WDR70: variants seen among roughly 807,000 people sequenced by gnomAD.
WDR70 encodes the protein WD repeat-containing protein 70.
In WDR70, 53 loss-of-function variants were observed where a neutral mutation model predicts 88.6. The ratio of observed to expected loss-of-function variants is 0.60; its 90% CI spans 0.48 to 0.75. The LOEUF (loss-of-function observed/expected upper bound fraction) is 0.75. WDR70 is among the 30% of genes least tolerant of loss of function. The probability of loss-of-function intolerance (pLI) is 0.00; values close to 1 mark genes in which losing one functional copy is unlikely to be tolerated. For missense variants in WDR70, 610 were observed against 823.2 expected, an observed-to-expected ratio of 0.74 and a Z score of 3.17; for synonymous variants, 280 against 270.0, an observed-to-expected ratio of 1.04 and a Z score of -0.36.
intron 10 of WDR70, among the ~76,000 whole-genome samples, chr5:37,612,855 A>G (rs1230136067): frequency 2.6e-5 from 4 of 152,222 alleles, no homozygotes; most frequent in Non-Finnish European, 5.9e-5. Flanking sequence ...ACAAATATTC[A>G]ACAGAACACG....
At position 37,386,913 on chromosome 5, in the gene WDR70, C is replaced by T. The variant is rs574401701; in HGVS notation, c.176-5087C>T. On this transcript the variant is annotated intron_variant, in intron 3 of 17. Coordinates refer to ENST00000265107, the MANE Select transcript of WDR70 (RefSeq NM_018034.4). ...AGGAGTTTGAGATCAGCCTGGCCAA[C>T]GGGATGAAACCCTGTCTCTACTAAA... Among the ~76,000 whole-genome samples, 15 of 152,080 alleles carry T rather than the reference C, an allele frequency of 9.9e-5. No individual in the cohort carries two copies. In the Middle Eastern group the frequency reaches 0.014, roughly 138 times the overall value.
intron 9 of WDR70, among the ~76,000 whole-genome samples, chr5:37,562,328 C>G (rs752300605): frequency 2.6e-5 from 4 of 151,918 alleles, no homozygotes; most frequent in Non-Finnish European, 5.9e-5. Context: ...TGTGCTCCAG[C>G]CTGGCTGACA....
intron 5 of WDR70, among the ~76,000 whole-genome samples, chr5:37,421,497 C>A (rs13176326): frequency 0.14 from 21,298 of 152,144 alleles, 1,909 homozygotes; most frequent in East Asian, 0.37. Flanking sequence ...TTATTTTTCC[C>A]TGTGAAAACA....
intron 9 of WDR70, among the ~76,000 whole-genome samples, chr5:37,543,808 G>A (rs1176295431): frequency 2.6e-5 from 4 of 152,070 alleles, no homozygotes; most frequent in East Asian, 1.9e-4. Flanking sequence ...TCGCTCTGTC[G>A]CCCAGGCTGG....
In WDR70 at chr5:37,529,614, G is replaced by A. The variant is rs184647117; in HGVS notation, c.917+13024G>A. Reference sequence around the variant, plus strand: ...GTGAAAGTGGTTGAGTTCTTGATTTGATTCTGAGTGTGGTTGCTATTGGTA... The same window carrying A: ...GTGAAAGTGGTTGAGTTCTTGATTTAATTCTGAGTGTGGTTGCTATTGGTA... On this transcript the variant is annotated intron_variant, in intron 9 of 17. Coordinates refer to ENST00000265107, the MANE Select transcript of WDR70 (RefSeq NM_018034.4). Among the ~76,000 whole-genome samples the A allele has an allele frequency of 3.9e-5, 6 of 152,004 alleles. No homozygotes were observed. The East Asian group carries it at 1.2e-3, about 29-fold the overall frequency.
At chr5:37,670,333 C>T (rs905948175) in intron 10 of WDR70, among the ~76,000 whole-genome samples, 1 of 152,168 alleles carries the variant, frequency 6.6e-6, no homozygotes, top group African/African-American at 2.4e-5. Flanking sequence ...GCAAAGCATA[C>T]TCAGTGACAG....
chr5:37,550,077 C>A (rs568988170), intron 9 of WDR70, among the ~76,000 whole-genome samples: 2 of 152,196 alleles, frequency 1.3e-5, no homozygotes, highest in East Asian at 3.9e-4. Context: ...GTTGAACAGG[C>A]TGGTCTTGAA....
chr5:37,742,174 A>G (rs377453617), intron 17 of WDR70, among the ~76,000 whole-genome samples: 4 of 151,812 alleles, frequency 2.6e-5, no homozygotes, highest in Admixed American at 1.3e-4. Context: ...ACTGTTTTCC[A>G]TAGTGTCTGT....
intron 9 of WDR70, among the ~76,000 whole-genome samples, chr5:37,525,675 A>G (rs1741244133): frequency 6.6e-6 from 1 of 152,210 alleles, no homozygotes; most frequent in Non-Finnish European, 1.5e-5. Flanking sequence ...CCCTTCAAAA[A>G]ATCAGTGAAT....
intron 9 of WDR70, among the ~76,000 whole-genome samples, chr5:37,519,608 G>T (rs1201272254): frequency 7.3e-6 from 1 of 137,814 alleles, no homozygotes; most frequent in South Asian, 2.4e-4. Flanking sequence ...CCTCCCAGAC[G>T]GCGTGGCCGG....
intron 8 of WDR70, among the ~76,000 whole-genome samples, chr5:37,482,143 C>T (rs1227141164): frequency 6.6e-6 from 1 of 152,044 alleles, no homozygotes; most frequent in East Asian, 1.9e-4. Flanking sequence ...CCAAACTTTC[C>T]CACATTTTCC....
In WDR70 at chr5:37,722,974, C is replaced by T. The variant is rs1306583384; in HGVS notation, c.1597+40C>T. 6 of 1,604,744 alleles carry T rather than the reference C, an allele frequency of 3.7e-6. No homozygotes were observed. In the South Asian group the frequency reaches 5.5e-5, roughly 15 times the overall value. The stretch of plus-strand genomic sequence containing the variant: ...TGCCTCTCAATCATGCATCTCTCTT[C>T]TACTCTCATGTGGTTTTGATTGCAT... On this transcript the variant is annotated intron_variant, in intron 15 of 17. Transcript: ENST00000265107.
At chr5:37,493,937 G>C (rs1740142536) in intron 8 of WDR70, among the ~76,000 whole-genome samples, 1 of 151,568 alleles carries the variant, frequency 6.6e-6, no homozygotes, top group Non-Finnish European at 1.5e-5. Flanking sequence ...TCCTGCCTCA[G>C]CCTTCCAAGT....
At chr5:37,552,211 T>G (rs142828580) in intron 9 of WDR70, among the ~76,000 whole-genome samples, 1 of 152,280 alleles carries the variant, frequency 6.6e-6, no homozygotes, top group East Asian at 1.9e-4. Flanking sequence ...CTTAATATAT[T>G]TACTTCCATT....
chr5:37,693,031 A>C (rs1169616593), intron 10 of WDR70, among the ~76,000 whole-genome samples: 2 of 152,156 alleles, frequency 1.3e-5, no homozygotes, highest in African/African-American at 4.8e-5. Flanking sequence ...CGGGATACAA[A>C]ATCCATGTGA....
chr5:37,546,321 G>A (rs1375448303), intron 9 of WDR70, among the ~76,000 whole-genome samples: 1 of 152,128 alleles, frequency 6.6e-6, no homozygotes, highest in Admixed American at 6.5e-5. Context: ...TGTTGCTCAC[G>A]TGTTCTGTAT....
chr5:37,426,729 G>T (rs1750135405), intron 5 of WDR70, among the ~76,000 whole-genome samples: 1 of 151,964 alleles, frequency 6.6e-6, no homozygotes, highest in Non-Finnish European at 1.5e-5. Flanking sequence ...GATTTCTTGA[G>T]GCCATTTTTG....
At chr5:37,542,206 C>T (rs985411191) in intron 9 of WDR70, among the ~76,000 whole-genome samples, 8 of 151,680 alleles carry the variant, frequency 5.3e-5, no homozygotes, top group African/African-American at 1.9e-4. Flanking sequence ...CATATTTAGA[C>T]TTGTTTTATA....
intron 5 of WDR70, among the ~76,000 whole-genome samples, chr5:37,407,674 CT>C (rs920238067): frequency 1.5e-4 from 23 of 149,250 alleles, no homozygotes; most frequent in South Asian, 1.1e-3. Context: ...GCTATCTGTG[CT>C]TTTTTTTTTC....
Sources: allele counts gnomAD v4.1 joint callset (sites outside exome capture counted in the v4.1 genomes callset), GRCh38; gene constraint gnomAD v4.1.1; transcripts MANE v1.5; gene names NCBI Gene and HGNC (gene_info 2026-07-23, HGNC 2026-07-21).